SLC24A3: variants seen among roughly 807,000 people sequenced by gnomAD.
The protein encoded by SLC24A3 is solute carrier family 24 member 3, also known as sodium/potassium/calcium exchanger 3.
Under a neutral mutation model 75.8 loss-of-function variants are expected in SLC24A3, and 28 were observed. The ratio of observed to expected loss-of-function variants is 0.37; its 90% CI spans 0.27 to 0.51. SLC24A3 has a LOEUF of 0.51. Among genes scored for constraint, SLC24A3 ranks in the 20% least tolerant of loss-of-function variants. The probability of loss-of-function intolerance (pLI) is 0.94; values close to 1 mark genes in which losing one functional copy is unlikely to be tolerated. For synonymous variants in SLC24A3, 372 were observed against 334.1 expected, an observed-to-expected ratio of 1.11 and a Z score of -1.24; for missense variants, 663 against 847.8, an observed-to-expected ratio of 0.78 and a Z score of 2.71.
intron 6 of SLC24A3, among the ~76,000 whole-genome samples, chr20:19,633,445 C>G (rs1221023570): frequency 6.6e-6 from 1 of 151,758 alleles, no homozygotes; most frequent in Admixed American, 6.6e-5. Flanking sequence ...GTCAGGAGAT[C>G]GAGACCATCC....
intron 2 of SLC24A3, among the ~76,000 whole-genome samples, chr20:19,491,496 C>T (rs908799689): frequency 2.6e-5 from 4 of 152,138 alleles, no homozygotes; most frequent in African/African-American, 9.7e-5. Context: ...CCCTTGTCCT[C>T]GATGGACAAA....
intron 8 of SLC24A3, among the ~76,000 whole-genome samples, chr20:19,671,976 G>A (rs1340686231): frequency 2.0e-5 from 3 of 152,098 alleles, no homozygotes; most frequent in South Asian, 2.1e-4. Flanking sequence ...GTGGCCTCTC[G>A]GCAGTCAGAA....
In SLC24A3 at chr20:19,594,254, C is replaced by A. The variant is rs151013153; in HGVS notation, c.612+8710C>A. ...CTCCCTGGTCTTCCCTCCTATCAACCCCCTACACAGGTCACCATGTAGGGA... is the reference window on the plus strand; with the variant it reads ...CTCCCTGGTCTTCCCTCCTATCAACACCCTACACAGGTCACCATGTAGGGA... On this transcript the variant is annotated intron_variant, in intron 6 of 16. Transcript: ENST00000328041. Among the ~76,000 whole-genome samples the A allele has an allele frequency of 2.0e-3, 304 of 152,260 alleles. 4 individuals carry two copies. The highest frequency in any genetic ancestry group is 6.8e-3 in the Middle Eastern group (2 of 292).
chr20:19,685,420 C>A, intron 12 of SLC24A3, 59 bp downstream of exon 12: 1 of 1,575,840 alleles, frequency 6.3e-7, no homozygotes, highest in Non-Finnish European at 8.6e-7. Flanking sequence ...TGAGTAGATG[C>A]CCTTGACTTA....
intron 6 of SLC24A3, among the ~76,000 whole-genome samples, chr20:19,602,068 G>A (rs2031534470): frequency 6.6e-6 from 1 of 152,220 alleles, no homozygotes; most frequent in East Asian, 1.9e-4. Flanking sequence ...CAGCAACTTG[G>A]GAGGCTGAGG....
At chr20:19,604,667 G>C (rs1359155591) in intron 6 of SLC24A3, among the ~76,000 whole-genome samples, 1 of 152,150 alleles carries the variant, frequency 6.6e-6, no homozygotes, top group Non-Finnish European at 1.5e-5. Context: ...TATTGTCATG[G>C]ACCAAGCATT....
intron 2 of SLC24A3, among the ~76,000 whole-genome samples, chr20:19,369,820 G>T (rs1985960569): frequency 6.6e-6 from 1 of 152,164 alleles, no homozygotes; most frequent in Non-Finnish European, 1.5e-5. Context: ...TGATGGAAAT[G>T]CTCTGTGTCT....
At chr20:19,429,325 A>G (rs1206070541) in intron 2 of SLC24A3, among the ~76,000 whole-genome samples, 1 of 152,224 alleles carries the variant, frequency 6.6e-6, no homozygotes, top group African/African-American at 2.4e-5. Context: ...TGTATGCTCA[A>G]CCTAATTATT....
At chr20:19,344,407 T>A (rs1483472523) in intron 2 of SLC24A3, among the ~76,000 whole-genome samples, 1 of 152,194 alleles carries the variant, frequency 6.6e-6, no homozygotes, top group Non-Finnish European at 1.5e-5. Flanking sequence ...CATGGCTTGG[T>A]CTTGGGTTGG....
intron 2 of SLC24A3, among the ~76,000 whole-genome samples, chr20:19,426,339 T>G (rs6046080): frequency 0.52 from 78,488 of 152,096 alleles, 20,703 homozygotes; most frequent in East Asian, 0.92. Context: ...GCTATTTTCT[T>G]TCTTAGAACA....
At chr20:19,352,836 T>C (rs1328242228) in intron 2 of SLC24A3, among the ~76,000 whole-genome samples, 1 of 152,232 alleles carries the variant, frequency 6.6e-6, no homozygotes, top group Non-Finnish European at 1.5e-5. Context: ...TTGTCATGTG[T>C]CTTGTACCAA....
rs1485895247 is a variant in SLC24A3 at position 19,212,944 on chromosome 20, G to A, written c.102G>A (p.Ala34=). Residue 34 remains alanine (A), a synonymous_variant, in exon 1 of 17, where the codon GCG becomes GCA. Transcript: ENST00000328041. ...LSQLCFLASV[A]LLLWSLSSLR... ...AGCTCTGCTTCCTGGCCTCGGTGGC[G>A]CTGCTGCTCTGGTCGCTGTCGAGCC... The A allele has an allele frequency of 1.5e-6, 2 of 1,338,598 alleles. No homozygotes were observed. Among genetic ancestry groups the A allele is most frequent in the Non-Finnish European group, 1.9e-6 (2 of 1,043,386 alleles). 82.9% of individuals were successfully genotyped at this position (1,338,598 alleles called of 1,614,324 possible). A position where few individuals can be genotyped will look rare whatever the true frequency, so the allele number is the denominator to read the frequency against.
Position 19,593,569 on chromosome 20 carries a change from G to A in SLC24A3, c.612+8025G>A, listed in dbSNP as rs996833429. Among the ~76,000 whole-genome samples, 8 of 152,306 alleles carry A rather than the reference G, an allele frequency of 5.3e-5. No homozygotes were observed. The South Asian group carries it at 1.7e-3, about 32-fold the overall frequency. Reference sequence around the variant, plus strand: ...GAGAAAGACATTGTTGAGAAAAGAGGAAACCAAGGCTCAGAGAGGCTGAGT... The same window carrying A: ...GAGAAAGACATTGTTGAGAAAAGAGAAAACCAAGGCTCAGAGAGGCTGAGT... On this transcript the variant is annotated intron_variant, in intron 6 of 16. Transcript: ENST00000328041.
intron 1 of SLC24A3, among the ~76,000 whole-genome samples, chr20:19,256,740 G>A (rs911431875): frequency 7.1e-6 from 1 of 140,454 alleles, no homozygotes; most frequent in African/African-American, 2.7e-5. Flanking sequence ...CTGCACTCCA[G>A]CCTGGGTAAC....
intron 13 of SLC24A3, chr20:19,694,539 C>T (rs1422935863): frequency 6.6e-6 from 1 of 152,160 alleles, no homozygotes; most frequent in Non-Finnish European, 1.5e-5. Flanking sequence ...GGGTTTCTCC[C>T]TCATCCTGCA....
At chr20:19,449,574 G>A (rs1027801530) in intron 2 of SLC24A3, among the ~76,000 whole-genome samples, 1 of 152,226 alleles carries the variant, frequency 6.6e-6, no homozygotes, top group South Asian at 2.1e-4. Context: ...CAGGCCTATG[G>A]CTCTTGAGCT....
intron 2 of SLC24A3, among the ~76,000 whole-genome samples, chr20:19,292,077 G>A (rs1983955057): frequency 6.6e-6 from 1 of 152,220 alleles, no homozygotes; most frequent in African/African-American, 2.4e-5. Context: ...CAGGCCTGGG[G>A]AGGACCCATG....
chr20:19,646,841 C>CTG lies in SLC24A3; in HGVS notation c.613-7212_613-7211dup, dbSNP rs74180956. 7.1e-3 allele frequency among the ~76,000 whole-genome samples: 1,032 copies of CTG among 144,532 alleles called. 4 individuals are homozygous for CTG. Among genetic ancestry groups the CTG allele is most frequent in the African/African-American group, 0.016 (646 of 39,386 alleles). 94.8% of individuals were successfully genotyped at this position (144,532 alleles called of 152,430 possible). On this transcript the variant is annotated intron_variant, in intron 6 of 16. Coordinates refer to ENST00000328041, the MANE Select transcript of SLC24A3 (RefSeq NM_020689.4). ...GTTGTACTTTAAAAATTACAAAACT[C>CTG]TGTGTGTGTGCGTGTGTGTGTGTGT...
intron 6 of SLC24A3, among the ~76,000 whole-genome samples, chr20:19,613,849 C>T (rs932972067): frequency 6.6e-6 from 1 of 152,220 alleles, no homozygotes; most frequent in Non-Finnish European, 1.5e-5. Flanking sequence ...ACCCTTGACT[C>T]ATGGGAATGT....
Sources: allele counts gnomAD v4.1 joint callset (sites outside exome capture counted in the v4.1 genomes callset), GRCh38; gene constraint gnomAD v4.1.1; transcripts MANE v1.5; gene names NCBI Gene and HGNC (gene_info 2026-07-23, HGNC 2026-07-21).